OSBPL10: variants seen among roughly 807,000 people sequenced by gnomAD.
OSBPL10 encodes oxysterol binding protein like 10.
A neutral mutation model predicts 81.7 loss-of-function variants in OSBPL10; 49 were observed. That is an observed-to-expected ratio of 0.60 (90% CI 0.48 to 0.76). The LOEUF (loss-of-function observed/expected upper bound fraction) is 0.76, where lower values mean the gene tolerates loss of function less well. OSBPL10 is among the 30% of genes least tolerant of loss of function. The pLI is 0.00. For synonymous variants in OSBPL10, 419 were observed against 383.6 expected (o/e 1.09, Z -1.08); for missense variants, 923 against 987.8 (o/e 0.93, Z 0.88).
At chr3:31,998,024 C>A (rs1699108515) in intron 2 of OSBPL10, among the ~76,000 whole-genome samples, 1 of 152,064 alleles carries the variant, frequency 6.6e-6, no homozygotes, top group African/African-American at 2.4e-5. Context: ...GACTCCTGAG[C>A]TCAAGCAGTC....
intron 6 of OSBPL10, among the ~76,000 whole-genome samples, chr3:31,717,464 A>C (rs1411280279): frequency 6.6e-6 from 1 of 152,224 alleles, no homozygotes; most frequent in East Asian, 1.9e-4. Context: ...ACCAAGAAGA[A>C]AGCATCTGGC....
In OSBPL10 at chr3:32,013,864, C is replaced by G. The variant is rs982023130; in HGVS notation, n.298+32627G>C. On this transcript the variant is annotated intron_variant and non_coding_transcript_variant, in intron 2 of 3. Coordinates refer to the OSBPL10 transcript ENST00000479173. Reference sequence around the variant, plus strand: ...ATCTAGAAGAAATGGATAAATTCCTCGACACATACACCCTCCCAAGACTAA... The same window carrying G: ...ATCTAGAAGAAATGGATAAATTCCTGGACACATACACCCTCCCAAGACTAA... 7.2e-5 allele frequency among the ~76,000 whole-genome samples: 11 copies of G among 152,196 alleles called. No homozygotes were observed. In the East Asian group the frequency reaches 1.2e-3, roughly 16 times the overall value.
chr3:31,955,849 A>C (rs976446853), intron 1 of OSBPL10, among the ~76,000 whole-genome samples: 50 of 152,342 alleles, frequency 3.3e-4, no homozygotes, highest in Middle Eastern at 3.4e-3. Flanking sequence ...TGAGAGTGAG[A>C]GGGGAACAAC....
rs1002791603 is a variant in OSBPL10, at chr3:31,742,036, C to T, written c.940+5874G>A. ...TGTAAATTGCCCAGTCTTATGAAAA[C>T]GAACTAATACACCTATTTACTGAAA... On this transcript the variant is annotated intron_variant, in intron 5 of 11. Coordinates refer to ENST00000396556, the MANE Select transcript of OSBPL10 (RefSeq NM_017784.5). Among the ~76,000 whole-genome samples the T allele has an allele frequency of 5.9e-5, 9 of 152,182 alleles. No homozygotes were observed. The South Asian group carries it at 6.2e-4, about 11-fold the overall frequency.
At chr3:32,003,652 G>A (rs1339842271) in intron 2 of OSBPL10, among the ~76,000 whole-genome samples, 5 of 152,128 alleles carry the variant, frequency 3.3e-5, no homozygotes, top group Admixed American at 1.3e-4. Flanking sequence ...CCTCTTTCTC[G>A]TCTCTTCACT....
At chr3:31,968,263 A>G (rs1345963987) in intron 1 of OSBPL10, among the ~76,000 whole-genome samples, 2 of 152,168 alleles carry the variant, frequency 1.3e-5, no homozygotes, top group African/African-American at 4.8e-5. Flanking sequence ...ATTTATAGAA[A>G]AAAAAATCGG....
At chr3:31,980,841 G>GCACACACA (rs72290087) in intron 1 of OSBPL10, 58 bp downstream of exon 1, 5 of 1,346,500 alleles carry the variant, frequency 3.7e-6, no homozygotes, top group African/African-American at 1.5e-5. Context: ...ACACACGCAC[G>GCACACACA]CACACACACA....
chr3:31,971,139 CTTTTTTTTTT>C (rs56785817), intron 1 of OSBPL10, among the ~76,000 whole-genome samples: 1 of 119,358 alleles, frequency 8.4e-6, no homozygotes, highest in South Asian at 2.8e-4. Flanking sequence ...TTTCTTTTTT[CTTTTTTTTTT>C]TTTTTTTTTG....
intron 2 of OSBPL10, among the ~76,000 whole-genome samples, chr3:32,043,294 T>A (rs774628573): frequency 6.6e-6 from 1 of 152,208 alleles, no homozygotes; most frequent in Non-Finnish European, 1.5e-5. Flanking sequence ...TGGCTGTATT[T>A]TGCCCGACCC....
intron 2 of OSBPL10, among the ~76,000 whole-genome samples, chr3:32,024,130 T>A (rs773394356): frequency 6.6e-6 from 1 of 152,194 alleles, no homozygotes; most frequent in Non-Finnish European, 1.5e-5. Context: ...ATTTTGACAT[T>A]GAGTTGTATA....
intron 4 of OSBPL10, among the ~76,000 whole-genome samples, chr3:31,758,561 CA>C (rs1466944576): frequency 6.6e-6 from 1 of 152,182 alleles, no homozygotes; most frequent in Non-Finnish European, 1.5e-5. Flanking sequence ...GTAGTTTCAA[CA>C]AAGCAACTGA....
chr3:31,776,353 A>T (rs1698548549), intron 4 of OSBPL10, among the ~76,000 whole-genome samples: 1 of 152,218 alleles, frequency 6.6e-6, no homozygotes, highest in Admixed American at 6.5e-5. Context: ...GAACCTTCTT[A>T]TACCGTTGGT....
At chr3:32,047,689 G>T (rs1049900380) in intron 1 of OSBPL10, among the ~76,000 whole-genome samples, 7 of 151,220 alleles carry the variant, frequency 4.6e-5, no homozygotes, top group Non-Finnish European at 7.4e-5. Context: ...TTGAGACGGA[G>T]TCTTGCTCTG....
intron 8 of OSBPL10, among the ~76,000 whole-genome samples, chr3:31,671,318 G>C (rs73826842): frequency 6.6e-6 from 1 of 152,188 alleles, no homozygotes; most frequent in African/African-American, 2.4e-5. Flanking sequence ...GACTGACCTG[G>C]TAAGGGAAGG....
intron 1 of OSBPL10, among the ~76,000 whole-genome samples, chr3:31,964,096 T>G (rs1473320823): frequency 2.6e-5 from 4 of 152,208 alleles, no homozygotes; most frequent in Non-Finnish European, 5.9e-5. Flanking sequence ...GGTTGTCTAA[T>G]GATTCCTTCA....
chr3:31,836,526 A>C, intron 3 of OSBPL10, among the ~76,000 whole-genome samples: 1 of 147,564 alleles, frequency 6.8e-6, no homozygotes, highest in African/African-American at 2.5e-5. Flanking sequence ...CCCATCCACC[A>C]ATCATCTAAC....
intron 3 of OSBPL10, among the ~76,000 whole-genome samples, chr3:31,872,301 G>A (rs559177790): frequency 1.3e-5 from 2 of 152,334 alleles, no homozygotes; most frequent in African/African-American, 2.4e-5. Flanking sequence ...CTAGATGTCA[G>A]AGCAAGGACA....
At chr3:31,991,137 A>G in intron 2 of OSBPL10, 2 of 776,474 alleles carry the variant, frequency 2.6e-6, no homozygotes, top group South Asian at 3.8e-5. Flanking sequence ...ATTAATTGAC[A>G]TTAAAGTGTT....
chr3:31,717,323 T>G (rs1244067868), intron 6 of OSBPL10, among the ~76,000 whole-genome samples: 1 of 152,132 alleles, frequency 6.6e-6, no homozygotes, highest in Non-Finnish European at 1.5e-5. Flanking sequence ...ACCAGTGATT[T>G]GGTACCACAA....
Sources: allele counts gnomAD v4.1 joint callset (sites outside exome capture counted in the v4.1 genomes callset), GRCh38; gene constraint gnomAD v4.1.1; transcripts MANE v1.5; gene names NCBI Gene and HGNC (gene_info 2026-07-23, HGNC 2026-07-21).